KCNQ1: variants seen among roughly 807,000 people sequenced by gnomAD.
KCNQ1 encodes potassium voltage-gated channel subfamily KQT member 1.
In KCNQ1, 49 loss-of-function variants were observed where a neutral mutation model predicts 72.4. That is an observed-to-expected ratio of 0.68 (90% CI 0.54 to 0.86). The LOEUF (loss-of-function observed/expected upper bound fraction) is 0.86. KCNQ1 is among the 40% of genes least tolerant of loss of function. The pLI, the probability that KCNQ1 is intolerant of heterozygous loss-of-function variation, is 0.00. For missense variants in KCNQ1, 790 were observed against 945.1 expected (o/e 0.84, Z 2.15); for synonymous variants, 450 against 412.6 (o/e 1.09, Z -1.10).
At position 2,796,609 on chromosome 11, in the gene KCNQ1, G is replaced by A. The variant is rs570416895; in HGVS notation, c.1794+18572G>A. On this transcript the variant is annotated intron_variant, in intron 15 of 15. Coordinates refer to ENST00000155840, the MANE Select transcript of KCNQ1 (RefSeq NM_000218.3). ...GTGCCCCGAAGGGGCCTGTGTCCAG[G>A]TTCCTGCCCACTCAGCCCCTCGGGG... 5.5e-3 allele frequency among the ~76,000 whole-genome samples: 838 copies of A among 152,310 alleles called. 3 individuals carry two copies. Among genetic ancestry groups the A allele is most frequent in the Non-Finnish European group, 7.1e-3 (485 of 68,030 alleles).
At position 2,538,434 on chromosome 11, in the gene KCNQ1, C is replaced by T. The variant is rs945605479; in HGVS notation, c.477+10416C>T. Reference sequence around the variant, plus strand: ...GGCAGCAGGCAGGCTGTCTCCACCACGATGGACATCATTTATGCCCCAGCC... The same window carrying T: ...GGCAGCAGGCAGGCTGTCTCCACCATGATGGACATCATTTATGCCCCAGCC... On this transcript the variant is annotated intron_variant, in intron 2 of 15. Transcript: ENST00000155840. The surrounding 1 kb of genome is among the most constrained non-coding windows in gnomAD (Gnocchi z 6.7). Among the ~76,000 whole-genome samples, 21 of 152,194 alleles carry T rather than the reference C, an allele frequency of 1.4e-4. No individual in the cohort carries two copies. The highest frequency in any genetic ancestry group is 4.3e-4 in the African/African-American group (18 of 41,448).
chr11:2,843,158 G>A (rs980961035), intron 15 of KCNQ1, among the ~76,000 whole-genome samples: 26 of 152,214 alleles, frequency 1.7e-4, no homozygotes, highest in Non-Finnish European at 7.3e-5. Flanking sequence ...CCTCAGCAGC[G>A]AGAAACACGG....
rs1846874445 is a variant in KCNQ1, at chr11:2,494,103, G to A, written c.387-33825G>A. Among the ~76,000 whole-genome samples, 1 of 151,828 alleles carries A rather than the reference G, an allele frequency of 6.6e-6. No individual in the cohort carries two copies. The highest frequency in any genetic ancestry group is 1.5e-5 in the Non-Finnish European group (1 of 67,982). On this transcript the variant is annotated intron_variant, in intron 1 of 15. Coordinates refer to ENST00000155840, the MANE Select transcript of KCNQ1 (RefSeq NM_000218.3). This position sits in a 1 kb window ranked among gnomAD's most constrained non-coding sequence, Gnocchi z 4.6. Reference sequence around the variant, plus strand: ...TATTCCTAGGTATTTTCTTCTCTTTGTAGCAATTATGAATGGGGATTCACT... The same window carrying A: ...TATTCCTAGGTATTTTCTTCTCTTTATAGCAATTATGAATGGGGATTCACT...
chr11:2,561,436 G>A (rs1442168703), intron 2 of KCNQ1, among the ~76,000 whole-genome samples: 2 of 152,128 alleles, frequency 1.3e-5, no homozygotes, highest in African/African-American at 4.8e-5. Flanking sequence ...CTTCCCTCTT[G>A]AGCACATGGG....
chr11:2,645,172 G>T lies in KCNQ1; in HGVS notation c.1394-16789G>T. ...TTCTGCCTCCCAAGGTGTCCATGCTGGTATTGGGATGGCTGGGATAAGCTG... is the reference window on the plus strand; with the variant it reads ...TTCTGCCTCCCAAGGTGTCCATGCTTGTATTGGGATGGCTGGGATAAGCTG... On this transcript the variant is annotated intron_variant, in intron 10 of 15. Coordinates refer to ENST00000155840, the MANE Select transcript of KCNQ1 (RefSeq NM_000218.3). This position sits in a 1 kb window ranked among gnomAD's most constrained non-coding sequence, Gnocchi z 5.8. 2.5e-6 allele frequency: 1 copy of T among 398,678 alleles called. No individual in the cohort carries two copies. Among genetic ancestry groups the T allele is most frequent in the Non-Finnish European group, 4.4e-6 (1 of 226,110 alleles). The allele number at this position is 398,678 out of a possible 1,614,324, so 24.7% of individuals were successfully genotyped here.
Position 2,549,930 on chromosome 11 carries a change from C to T in KCNQ1, c.478-20698C>T, listed in dbSNP as rs980492282. On this transcript the variant is annotated intron_variant, in intron 2 of 15. Coordinates refer to ENST00000155840, the MANE Select transcript of KCNQ1 (RefSeq NM_000218.3). The surrounding 1 kb of genome is among the most constrained non-coding windows in gnomAD (Gnocchi z 6.2). ...CTTGCCCACCGCCCCCGCCACCCAG[C>T]GCGAGCCGCGTAGAGGAGCAGGAAG... Among the ~76,000 whole-genome samples, 39 of 152,146 alleles carry T rather than the reference C, an allele frequency of 2.6e-4. No homozygotes were observed. Among genetic ancestry groups the T allele is most frequent in the Admixed American group, 2.2e-3 (33 of 15,292 alleles).
At chr11:2,504,359 A>G (rs535507786) in intron 1 of KCNQ1, among the ~76,000 whole-genome samples, 1 of 151,570 alleles carries the variant, frequency 6.6e-6, no homozygotes, top group Non-Finnish European at 1.5e-5. Context: ...GGAAGTAGAG[A>G]TGGTTAATGG....
chr11:2,606,393 G>A (rs1242876270), intron 10 of KCNQ1, among the ~76,000 whole-genome samples: 4 of 152,120 alleles, frequency 2.6e-5, no homozygotes, highest in Non-Finnish European at 4.4e-5. Context: ...GATCATGGAC[G>A]GAGCCCTCGT....
intron 11 of KCNQ1, among the ~76,000 whole-genome samples, chr11:2,740,225 G>A (rs1329086479): frequency 1.3e-5 from 2 of 152,144 alleles, no homozygotes; most frequent in African/African-American, 4.8e-5. Context: ...GGGAGGGTGG[G>A]GGATGGGGAG....
intron 1 of KCNQ1, among the ~76,000 whole-genome samples, chr11:2,461,253 T>A (rs1362071324): frequency 6.6e-6 from 1 of 152,214 alleles, no homozygotes; most frequent in East Asian, 1.9e-4. Flanking sequence ...TGTGGGGCCA[T>A]CTGATGCCCC....
At chr11:2,810,615 C>T (rs1325605912) in intron 15 of KCNQ1, among the ~76,000 whole-genome samples, 1 of 152,254 alleles carries the variant, frequency 6.6e-6, no homozygotes, top group African/African-American at 2.4e-5. Context: ...TTTCTGGAGA[C>T]TCCAGATACA....
chr11:2,786,929 T>C (rs1846925225), intron 15 of KCNQ1, among the ~76,000 whole-genome samples: 1 of 150,502 alleles, frequency 6.6e-6, no homozygotes, highest in African/African-American at 2.4e-5. Flanking sequence ...CTCTCATTCA[T>C]GGTGTTTCAT....
At chr11:2,519,122 G>A (rs935777260) in intron 1 of KCNQ1, among the ~76,000 whole-genome samples, 3 of 152,250 alleles carry the variant, frequency 2.0e-5, no homozygotes, top group East Asian at 1.9e-4. Context: ...AGCTGTTGCC[G>A]TTCTGGTGAG....
Position 2,652,486 on chromosome 11 carries a change from T to A in KCNQ1, c.1394-9475T>A. 2.5e-6 allele frequency: 1 copy of A among 398,576 alleles called. No homozygotes were observed. Among genetic ancestry groups the A allele is most frequent in the Non-Finnish European group, 4.4e-6 (1 of 226,042 alleles). 24.7% of individuals were successfully genotyped at this position (398,576 alleles called of 1,614,324 possible). ...ACCTCCAGAAACTTTCCTCCCCACC[T>A]CTCCAGAGGTTTCTGGGGAATGTCC... is the stretch of plus-strand genomic sequence containing the variant. On this transcript the variant is annotated intron_variant, in intron 10 of 15. Coordinates refer to ENST00000155840, the MANE Select transcript of KCNQ1 (RefSeq NM_000218.3). This position sits in a 1 kb window ranked among gnomAD's most constrained non-coding sequence, Gnocchi z 5.9.
intron 11 of KCNQ1, among the ~76,000 whole-genome samples, chr11:2,742,891 C>T (rs1846080546): frequency 6.6e-6 from 1 of 152,194 alleles, no homozygotes; most frequent in Admixed American, 6.5e-5. Context: ...AGCCCCCACA[C>T]CTGTGGTGTG....
rs993716513 is a variant in KCNQ1, at chr11:2,752,974, C to T, written c.1515-15870C>T. On this transcript the variant is annotated intron_variant, in intron 11 of 15. Transcript: ENST00000155840. The surrounding 1 kb of genome is among the most constrained non-coding windows in gnomAD (Gnocchi z 5.2). Reference sequence around the variant, plus strand: ...CTGGGCTTGAGGACCAGCACGGGATCGTTCTCCTCTGTGGGTCGCTGATAT... The same window carrying T: ...CTGGGCTTGAGGACCAGCACGGGATTGTTCTCCTCTGTGGGTCGCTGATAT... Among the ~76,000 whole-genome samples, 1 of 152,156 alleles carries T rather than the reference C, an allele frequency of 6.6e-6. No individual in the cohort carries two copies. The highest frequency in any genetic ancestry group is 2.1e-4 in the South Asian group (1 of 4,832).
At chr11:2,556,421 A>G (rs909902706) in intron 2 of KCNQ1, among the ~76,000 whole-genome samples, 8 of 152,292 alleles carry the variant, frequency 5.3e-5, no homozygotes, top group East Asian at 3.9e-4. Flanking sequence ...TCCGTAAACC[A>G]TAGCCTACAA....
intron 11 of KCNQ1, among the ~76,000 whole-genome samples, chr11:2,761,262 G>GGCCTGTCGGTGCCTGTTGGT (rs56813468): frequency 6.6e-6 from 1 of 151,926 alleles, no homozygotes; most frequent in African/African-American, 2.4e-5. Flanking sequence ...ATGGTCTGCC[G>GGCCTGTCGGTGCCTGTTGGT]GCCTGTCGGT....
chr11:2,731,255 G>A (rs1477066912), intron 11 of KCNQ1, among the ~76,000 whole-genome samples: 2 of 152,234 alleles, frequency 1.3e-5, no homozygotes, highest in African/African-American at 2.4e-5. Context: ...ATAAAGCCAA[G>A]GGTGGCAGGC....
Sources: allele counts gnomAD v4.1 joint callset (sites outside exome capture counted in the v4.1 genomes callset), GRCh38; gene constraint gnomAD v4.1.1; non-coding constraint Gnocchi (gnomAD v3.1); transcripts MANE v1.5; gene names NCBI Gene and HGNC (gene_info 2026-07-23, HGNC 2026-07-21).